MAGED2: variants seen among roughly 807,000 people sequenced by gnomAD.
The protein encoded by MAGED2 is melanoma-associated antigen D2.
MAGED2 carries 6 observed loss-of-function variants against 41.7 expected under a neutral mutation model. That is an observed-to-expected ratio of 0.14 (90% CI 0.08 to 0.28). The LOEUF is 0.28. Among genes scored for constraint, MAGED2 ranks in the 10% least tolerant of loss-of-function variants. MAGED2 has a pLI of 1.00. For synonymous variants in MAGED2, 146 were observed against 178.2 expected (o/e 0.82, Z 1.44); for missense variants, 343 against 486.4 (o/e 0.71, Z 2.77).
At chrX:54,814,865 A>T in intron 11 of MAGED2, 90 bp downstream of exon 11, 1 of 618,351 alleles carries the variant, frequency 1.6e-6, no homozygotes, top group Non-Finnish European at 2.6e-6. Flanking sequence ...CTGCAGTTCA[A>T]ATCTGAATGT....
Position 54,815,024 on chromosome X carries a change from G to A in MAGED2, c.1387-224G>A, listed in dbSNP as rs763184. 0.34 allele frequency among the ~76,000 whole-genome samples: 38,251 copies of A among 110,880 alleles called. 4,769 individuals are homozygous for A. Among genetic ancestry groups the A allele is most frequent in the East Asian group, 0.62 (2,134 of 3,468 alleles). The stretch of plus-strand genomic sequence containing the variant: ...TAGGTGACATGTCCAAAGTCATGGG[G>A]CTAGGAAGTGTCAGAGCAGGGATGG... On this transcript the variant is annotated intron_variant, in intron 11 of 12. Transcript: ENST00000375068.
chrX:54,811,351 G>A, intron 5 of MAGED2, 38 bp downstream of exon 5: 1 of 1,099,189 alleles, frequency 9.1e-7, no homozygotes, highest in Non-Finnish European at 1.3e-6. Context: ...CCTGAGCTCT[G>A]CCCTCCATTG....
intron 2 of MAGED2, 36 bp from the exon 3 acceptor site, chrX:54,809,686 G>A: frequency 8.5e-7 from 1 of 1,180,045 alleles, no homozygotes; most frequent in Non-Finnish European, 1.1e-6. Context: ...TGGGGGTGAG[G>A]AGAAGGTCTA....
chrX:54,815,716 C>A, intron 12 of MAGED2, 26 bp downstream of exon 12: 1 of 1,028,764 alleles, frequency 9.7e-7, no homozygotes, highest in South Asian at 2.2e-5. Flanking sequence ...TCAGTGGGGA[C>A]ATCTGGGGCT....
intron 10 of MAGED2, 76 bp downstream of exon 10, chrX:54,813,626 C>A: frequency 1.2e-6 from 1 of 809,047 alleles, no homozygotes; most frequent in Non-Finnish European, 1.9e-6. Context: ...AGCCGTGGTG[C>A]ATGGATGCAT....
In MAGED2 at chrX:54,815,280, T is replaced by C; in HGVS notation, c.1419T>C (p.Ala473=). The change falls in exon 12 of 13, where the codon GCT becomes GCC. Residue 473 remains alanine (A), a synonymous_variant. Transcript: ENST00000375068. ...VQKKDPKEWA[A]QYREAMEADL... is the part of the protein sequence containing the mutation. ...AGAAGGATCCCAAGGAATGGGCAGC[T>C]CAGTACCGAGAGGCGATGGAAGCGG... 6 of 1,160,091 alleles carry C rather than the reference T, an allele frequency of 5.2e-6. No homozygotes were observed. The highest frequency in any genetic ancestry group is 6.9e-6 in the Non-Finnish European group (6 of 872,233).
Position 54,811,282 on chromosome X carries a change from A to T in MAGED2, c.879A>T (p.Lys293Asn). Residue 293 changes from lysine (K) to asparagine (N), a missense_variant, in exon 5 of 13, where the codon AAA becomes AAT. Transcript: ENST00000375068. Reference sequence around the variant, plus strand: ...ATTTGGTGAAGTACCTTTTGGCTAAAGACCAGACGAAGATTCCCATCAAGC... The same window carrying T: ...ATTTGGTGAAGTACCTTTTGGCTAATGACCAGACGAAGATTCCCATCAAGC... ...ANDLVKYLLA[K>N]DQTKIPIKRS... 2 of 1,211,902 alleles carry T rather than the reference A, an allele frequency of 1.7e-6. No individual in the cohort carries two copies. The highest frequency in any genetic ancestry group is 2.2e-6 in the Non-Finnish European group (2 of 895,343).
chrX:54,812,410 A>G (rs1417572118), intron 7 of MAGED2, among the ~76,000 whole-genome samples, 159 bp downstream of exon 7: 1 of 112,070 alleles, frequency 8.9e-6, no homozygotes, highest in Non-Finnish European at 1.9e-5. Context: ...CCCTGCTTAC[A>G]GTGGTGGCAC....
At chrX:54,808,876 A>G (rs1033408206) in intron 1 of MAGED2, among the ~76,000 whole-genome samples, 1 of 112,363 alleles carries the variant, frequency 8.9e-6, no homozygotes, top group African/African-American at 3.2e-5. Context: ...CATGCGCACT[A>G]TGTTTCGCTA....
chrX:54,812,354 G>A, intron 7 of MAGED2, 103 bp downstream of exon 7: 2 of 500,158 alleles, frequency 4.0e-6, no homozygotes, highest in Non-Finnish European at 3.3e-6. Context: ...AGTCAGGAAA[G>A]ACAGGGTCTC....
intron 1 of MAGED2, chrX:54,809,098 A>T: frequency 2.4e-6 from 1 of 415,420 alleles, no homozygotes; most frequent in Non-Finnish European, 4.2e-6. Flanking sequence ...CCGCGCTGGC[A>T]CATCTTCCTG....
intron 1 of MAGED2, chrX:54,808,914 A>G (rs781648643): frequency 6.3e-5 from 14 of 223,421 alleles, no homozygotes; most frequent in Admixed American, 2.8e-4. Context: ...AAGGGCCAGC[A>G]CTGAGAAGAG....
chrX:54,812,836 A>G lies in MAGED2; in HGVS notation c.1086-109A>G, dbSNP rs966324926. On this transcript the variant is annotated intron_variant, in intron 7 of 12. Transcript: ENST00000375068. ...ATAGAGCTGGAAGCAGAGACTGGGTAGAATTCTGTATCTGAGGAATCTGGG... is the reference window on the plus strand; with the variant it reads ...ATAGAGCTGGAAGCAGAGACTGGGTGGAATTCTGTATCTGAGGAATCTGGG... 11 of 550,782 alleles carry G rather than the reference A, an allele frequency of 2.0e-5. No individual in the cohort carries two copies. In the African/African-American group the frequency reaches 2.1e-4, roughly 10 times the overall value. 45.4% of individuals were successfully genotyped at this position (550,782 alleles called of 1,213,427 possible). A position where few individuals can be genotyped will look rare whatever the true frequency, so the allele number is the denominator to read the frequency against.
rs1929738405 is a variant in MAGED2 at position 54,809,744 on chromosome X, G to A, written c.68G>A (p.Ser23Asn). Residue 23 changes from serine (S) to asparagine (N), a missense_variant, in exon 3 of 13, where the codon AGT becomes AAT. Ser to Asn is a conservative substitution (Grantham distance 46). Coordinates refer to ENST00000375068, the MANE Select transcript of MAGED2 (RefSeq NM_177433.3). ...RFQAEASEKD[S>N]SSMMQTLLTV... ...CAGGCTGAAGCTTCAGAAAAGGACAGTAGCTCGATGATGCAGACTCTGTTG... is the reference window on the plus strand; with the variant it reads ...CAGGCTGAAGCTTCAGAAAAGGACAATAGCTCGATGATGCAGACTCTGTTG... The A allele has an allele frequency of 8.3e-7, 1 of 1,204,233 alleles. No homozygotes were observed. Among genetic ancestry groups the A allele is most frequent in the African/African-American group, 1.7e-5 (1 of 57,419 alleles).
intron 1 of MAGED2, among the ~76,000 whole-genome samples, chrX:54,808,627 A>C (rs1929690226): frequency 9.1e-6 from 1 of 109,597 alleles, no homozygotes; most frequent in Non-Finnish European, 1.9e-5. Flanking sequence ...AGGGGGTGTA[A>C]TAGGGAAGGG....
At chrX:54,811,477 GC>G in intron 5 of MAGED2, 96 bp from the exon 6 acceptor site, 1 of 901,285 alleles carries the variant, frequency 1.1e-6, no homozygotes, top group Non-Finnish European at 1.6e-6. Flanking sequence ...ACCGGGTTAT[GC>G]CACCCTTGGT....
rs1327361239 is a variant in MAGED2 at position 54,811,431 on chromosome X, T to G, written c.910+118T>G. 3.3e-6 allele frequency: 3 copies of G among 904,781 alleles called. No individual in the cohort carries two copies. In the African/African-American group the frequency reaches 5.9e-5, roughly 18 times the overall value. The allele number at this position is 904,781 out of a possible 1,213,427, so 74.6% of individuals were successfully genotyped here. A position where few individuals can be genotyped will look rare whatever the true frequency, so the allele number is the denominator to read the frequency against. On this transcript the variant is annotated intron_variant, in intron 5 of 12. Coordinates refer to ENST00000375068, the MANE Select transcript of MAGED2 (RefSeq NM_177433.3). ...TGTCTCTGTCCTCCCAAAGTTCTGA[T>G]TTGGCAGTGCTAGCATCTCTGTTGA...
In MAGED2 at chrX:54,810,967, G is replaced by C; in HGVS notation, c.684G>C (p.Arg228Ser). The C allele has an allele frequency of 8.3e-7, 1 of 1,204,631 alleles. No individual in the cohort carries two copies. The highest frequency in any genetic ancestry group is 1.1e-6 in the Non-Finnish European group (1 of 891,654). The change falls in exon 4 of 13, where the codon AGG becomes AGC. Residue 228 changes from arginine (R) to serine (S), a missense_variant. Physicochemically the swap from Arg to Ser is moderately radical, Grantham distance 110. Around this residue, in one of 3 missense-constraint regions of MAGED2, gnomAD observed 195 missense variants for 221.2 expected, o/e 0.88. Coordinates refer to ENST00000375068, the MANE Select transcript of MAGED2 (RefSeq NM_177433.3). Reference protein sequence around the residue: ...SRGPIAFWARRASRTRLAAWA... With the variant: ...SRGPIAFWARSASRTRLAAWA... ...GTCCCATAGCCTTTTGGGCCCGCAG[G>C]GCATCAAGGACTCGGTTGGCTGCTT...
chrX:54,815,012 C>A (rs1929917382), intron 11 of MAGED2, among the ~76,000 whole-genome samples: 1 of 111,776 alleles, frequency 8.9e-6, no homozygotes. Flanking sequence ...GTGACATGTC[C>A]AAAGTCATGG....
Sources: gnomAD v4.1 joint callset for allele counts (sites outside exome capture counted in the v4.1 genomes callset) on GRCh38, gnomAD v4.1.1 for gene constraint, gnomAD v4.1.1 regional missense constraint, MANE v1.5 for transcripts, NCBI Gene and HGNC (gene_info 2026-07-23, HGNC 2026-07-21) for gene names.